GLI3: variants seen among roughly 807,000 people sequenced by gnomAD.
GLI3 encodes the protein GLI family zinc finger 3.
Under a neutral mutation model 100.8 loss-of-function variants are expected in GLI3, and 20 were observed. The observed-to-expected ratio is 0.20, with a 90% CI of 0.14 to 0.29. The LOEUF (loss-of-function observed/expected upper bound fraction) is 0.29, where lower values mean the gene tolerates loss of function less well. Among genes scored for constraint, GLI3 ranks in the 10% least tolerant of loss-of-function variants. The probability of loss-of-function intolerance (pLI) is 1.00; values close to 1 mark genes in which losing one functional copy is unlikely to be tolerated. For synonymous variants in GLI3, 938 were observed against 860.5 expected, an observed-to-expected ratio of 1.09 and a Z score of -1.58; for missense variants, 2,040 against 2,128.5, an observed-to-expected ratio of 0.96 and a Z score of 0.82.
At chr7:42,214,487 A>G (rs1788333891) in intron 2 of GLI3, among the ~76,000 whole-genome samples, 1 of 151,424 alleles carries the variant, frequency 6.6e-6, no homozygotes, top group African/African-American at 2.4e-5. Flanking sequence ...GAAGAAAGAG[A>G]CCAGGAAGAG....
At chr7:42,255,807 A>G (rs1430174007) in intron 1 of GLI3, among the ~76,000 whole-genome samples, 2 of 152,038 alleles carry the variant, frequency 1.3e-5, no homozygotes, top group East Asian at 3.8e-4. Context: ...ATATGTCTTA[A>G]TTTCTTTTGG....
At chr7:42,263,499 TG>T (rs1242991756) in intron 1 of GLI3, among the ~76,000 whole-genome samples, 2 of 151,852 alleles carry the variant, frequency 1.3e-5, no homozygotes, top group African/African-American at 2.4e-5. Context: ...CAGGCTGGAG[TG>T]CAGTGGTGTG....
At chr7:42,116,674 C>A (rs1322276727) in intron 3 of GLI3, among the ~76,000 whole-genome samples, 2 of 152,104 alleles carry the variant, frequency 1.3e-5, no homozygotes, top group African/African-American at 4.8e-5. Flanking sequence ...AAGCATTCTC[C>A]AAATCAAATT....
Position 42,148,329 on chromosome 7 carries a change from T to C in GLI3, c.264A>G (p.Lys88=), listed in dbSNP as rs1786773058. 2 of 1,613,814 alleles carry C rather than the reference T, an allele frequency of 1.2e-6. No homozygotes were observed. Among genetic ancestry groups the C allele is most frequent in the Non-Finnish European group, 1.7e-6 (2 of 1,179,860 alleles). ...CGTGTGGCAGGGACCCATGGATCTC[T>C]TTCTTGATCAATGAGGCCCTCTCGT... is the stretch of plus-strand genomic sequence containing the variant. ...SSDERASLIK[K]EIHGSLPHVA... is the part of the protein sequence containing the mutation. The change falls in exon 3 of 15, where the codon AAA becomes AAG. Residue 88 remains lysine (K), a synonymous_variant. Coordinates refer to ENST00000395925, the MANE Select transcript of GLI3 (RefSeq NM_000168.6).
At chr7:42,164,273 C>T (rs1172995933) in intron 2 of GLI3, among the ~76,000 whole-genome samples, 1 of 152,172 alleles carries the variant, frequency 6.6e-6, no homozygotes, top group Non-Finnish European at 1.5e-5. Context: ...GTAATCCCAG[C>T]ACTTTGGGAG....
At chr7:42,209,729 A>G (rs1788224296) in intron 2 of GLI3, among the ~76,000 whole-genome samples, 1 of 152,068 alleles carries the variant, frequency 6.6e-6, no homozygotes, top group Non-Finnish European at 1.5e-5. Context: ...ACCAACTACA[A>G]AATTAGCTAG....
At chr7:42,251,715 C>T (rs1789034202) in intron 1 of GLI3, among the ~76,000 whole-genome samples, 1 of 152,134 alleles carries the variant, frequency 6.6e-6, no homozygotes, top group Non-Finnish European at 1.5e-5. Context: ...ATGATGATCC[C>T]CTTTTACATG....
intron 2 of GLI3, among the ~76,000 whole-genome samples, chr7:42,193,969 C>G (rs1787877269): frequency 6.6e-6 from 1 of 152,186 alleles, no homozygotes; most frequent in African/African-American, 2.4e-5. Context: ...CGTACTCCCT[C>G]CCTCTCCAGA....
At chr7:42,132,401 G>A (rs999226569) in intron 3 of GLI3, among the ~76,000 whole-genome samples, 24 of 152,062 alleles carry the variant, frequency 1.6e-4, no homozygotes, top group Admixed American at 1.4e-3. Context: ...CGCCCGGCCG[G>A]CTTCATGATT....
chr7:42,125,127 CACA>C (rs1030326640), intron 3 of GLI3, among the ~76,000 whole-genome samples: 5 of 152,144 alleles, frequency 3.3e-5, no homozygotes, highest in Non-Finnish European at 4.4e-5. Context: ...ATAGCAAAAA[CACA>C]ACAAGAGTCA....
intron 1 of GLI3, among the ~76,000 whole-genome samples, chr7:42,262,553 T>C (rs1044837246): frequency 6.6e-6 from 1 of 152,136 alleles, no homozygotes; most frequent in Non-Finnish European, 1.5e-5. Flanking sequence ...AGTCACTGCA[T>C]TTGACCAGTC....
intron 4 of GLI3, among the ~76,000 whole-genome samples, chr7:42,070,699 T>C (rs939589471): frequency 3.9e-5 from 6 of 152,226 alleles, no homozygotes; most frequent in Non-Finnish European, 5.9e-5. Flanking sequence ...ATGGTCATGA[T>C]TATATACTTT....
chr7:42,017,391 C>A (rs1788795765), intron 10 of GLI3, among the ~76,000 whole-genome samples: 1 of 152,132 alleles, frequency 6.6e-6, no homozygotes, highest in Non-Finnish European at 1.5e-5. Context: ...GAGTATACAA[C>A]GGATGAATGA....
At chr7:42,041,704 A>G (rs1784141698) in intron 6 of GLI3, among the ~76,000 whole-genome samples, 1 of 152,234 alleles carries the variant, frequency 6.6e-6, no homozygotes, top group African/African-American at 2.4e-5. Flanking sequence ...ATTTTATTCA[A>G]TAAAGATGGT....
intron 3 of GLI3, among the ~76,000 whole-genome samples, chr7:42,079,968 T>G (rs529856356): frequency 6.6e-6 from 1 of 152,348 alleles, no homozygotes; most frequent in African/African-American, 2.4e-5. Flanking sequence ...ATTACGTGTA[T>G]GGAGTGAAGA....
intron 2 of GLI3, among the ~76,000 whole-genome samples, chr7:42,174,557 T>G (rs1488963389): frequency 1.3e-5 from 2 of 152,180 alleles, no homozygotes; most frequent in Non-Finnish European, 2.9e-5. Flanking sequence ...GAGCAAATCC[T>G]CATAAATCAG....
At chr7:41,983,610 T>A (rs1162817453) in intron 10 of GLI3, among the ~76,000 whole-genome samples, 3 of 152,180 alleles carry the variant, frequency 2.0e-5, no homozygotes, top group African/African-American at 7.2e-5. Context: ...TAATGCATGA[T>A]TAAATTCCAA....
rs1583568144 is a variant in GLI3, at chr7:42,113,326, T to G, written c.367+34900A>C. On this transcript the variant is annotated intron_variant, in intron 3 of 14. Transcript: ENST00000395925. Reference sequence around the variant, plus strand: ...CCAAAGCCCGCACACCACCACATCCTGTGCCCAGCACCTACGTCCCGTCGC... The same window carrying G: ...CCAAAGCCCGCACACCACCACATCCGGTGCCCAGCACCTACGTCCCGTCGC... 6 of 624,122 alleles carry G rather than the reference T, an allele frequency of 9.6e-6. No homozygotes were observed. The East Asian group carries it at 2.1e-4, about 22-fold the overall frequency. 38.7% of individuals were successfully genotyped at this position (624,122 alleles called of 1,614,324 possible).
chr7:41,964,257 G>A lies in GLI3; in HGVS notation c.*73C>T, dbSNP rs1787093147. The A allele has an allele frequency of 8.9e-6, 12 of 1,351,700 alleles. No individual in the cohort carries two copies. Among genetic ancestry groups the A allele is most frequent in the South Asian group, 2.4e-5 (2 of 82,864 alleles). The allele number at this position is 1,351,700 out of a possible 1,614,324, so 83.7% of individuals were successfully genotyped here. ...AAATACATACAGAACTAAAAAAACA[G>A]CCAAAACAAAGTCAGTTTAATCTCT... On this transcript the variant is annotated 3_prime_UTR_variant, in exon 15 of 15. Transcript: ENST00000395925.
Sources: gnomAD v4.1 joint callset for allele counts (sites outside exome capture counted in the v4.1 genomes callset) on GRCh38, gnomAD v4.1.1 for gene constraint, MANE v1.5 for transcripts, NCBI Gene and HGNC (gene_info 2026-07-23, HGNC 2026-07-21) for gene names.